MUC4: variants seen among roughly 807,000 people sequenced by gnomAD.
MUC4 encodes the protein mucin 4, cell surface associated, also known as mucin-4.
A neutral mutation model predicts 257.9 loss-of-function variants in MUC4; 202 were observed. The ratio of observed to expected loss-of-function variants is 0.78; its 90% confidence interval spans 0.70 to 0.88. The LOEUF (loss-of-function observed/expected upper bound fraction) is 0.88. MUC4 is among the 40% of genes least tolerant of loss of function. The pLI, the probability that MUC4 is intolerant of heterozygous loss-of-function variation, is 0.00. For missense variants in MUC4, 5,976 were observed against 6,513.7 expected (o/e 0.92, Z 2.84); for synonymous variants, 2,351 against 2,757.1 (o/e 0.85, Z 4.62).
At chr3:195,800,776 G>T (rs759570388) in intron 1 of MUC4, among the ~76,000 whole-genome samples, 41 of 152,030 alleles carry the variant, frequency 2.7e-4, no homozygotes, top group East Asian at 1.9e-4. Context: ...ATGGTTCTCA[G>T]CTGGGCATGG....
In MUC4 at chr3:195,788,234, C is replaced by T. The variant is rs752003308; in HGVS notation, c.3346G>A (p.Gly1116Ser). The T allele has an allele frequency of 6.8e-7, 1 of 1,474,738 alleles. No individual in the cohort carries two copies. Among genetic ancestry groups the T allele is most frequent in the South Asian group, 1.3e-5 (1 of 78,790 alleles). The allele number at this position is 1,474,738 out of a possible 1,614,324, so 91.4% of individuals were successfully genotyped here. A position where few individuals can be genotyped will look rare whatever the true frequency, so the allele number is the denominator to read the frequency against. Residue 1116 changes from glycine to serine, a missense_variant, in exon 2 of 25, where the codon GGT becomes AGT. Around this residue, in one of 44 missense-constraint regions of MUC4, gnomAD observed 11 missense variants for 41.1 expected, o/e 0.27. Transcript: ENST00000463781. ...GTGACAGGAAGAGGGGTGGTGTGACCTGTGGATACTGAGGAAGTGTCGGTG... is the reference window on the plus strand; with the variant it reads ...GTGACAGGAAGAGGGGTGGTGTGACTTGTGGATACTGAGGAAGTGTCGGTG... The part of the protein sequence containing the change: ...PVTDTSSVST[G>S]HTTPLPVTDT...
At position 195,788,987 on chromosome 3, in the gene MUC4, A is replaced by T; in HGVS notation, c.2593T>A (p.Ser865Thr). 5 of 1,613,762 alleles carry T rather than the reference A, an allele frequency of 3.1e-6. No individual in the cohort carries two copies. The South Asian group carries it at 4.4e-5, about 14-fold the overall frequency. The change falls in exon 2 of 25, where the codon TCT becomes ACT. Residue 865 changes from serine (S) to threonine (T), a missense_variant. Ser to Thr is a moderately conservative substitution (Grantham distance 58). This residue lies in a region of MUC4 where 1,583 missense variants were observed against 1,257.4 expected (regional missense o/e 1.26). Coordinates refer to ENST00000463781, the MANE Select transcript of MUC4 (RefSeq NM_018406.7). The stretch of plus-strand genomic sequence containing the variant: ...TGAAAGGTGCCGGGGACGATCGAAG[A>T]CGCCATTCCTGTGCTTACTGGGATG... ...GAIPVSTGMA[S>T]SIVPGTFHPT...
At chr3:195,775,903 A>ATACCTTCCACG (rs1724515881) in intron 3 of MUC4, among the ~76,000 whole-genome samples, 1 of 63,954 alleles carries the variant, frequency 1.6e-5, no homozygotes, top group East Asian at 5.6e-4. Flanking sequence ...TACCTTCCAC[A>ATACCTTCCACG]CCCATACCTT....
intron 24 of MUC4, among the ~76,000 whole-genome samples, chr3:195,747,990 C>T (rs1320812387): frequency 2.0e-5 from 3 of 152,128 alleles, no homozygotes; most frequent in Non-Finnish European, 4.4e-5. Context: ...CCCGCCCCGC[C>T]CCGCCCACCC....
At position 195,789,638 on chromosome 3, in the gene MUC4, C is replaced by T. The variant is rs1371472526; in HGVS notation, c.1942G>A (p.Glu648Lys). 5.0e-6 allele frequency: 8 copies of T among 1,613,916 alleles called. No individual in the cohort carries two copies. The African/African-American group carries it at 5.3e-5, about 11-fold the overall frequency. ...GAGACGGACCTCGTGGTTTGTGATT[C>T]TTGTGTGGTCTGCGGGGCTTGAGTG... ...GHTQAPQTTQ[E>K]SQTTRSVSPM... Residue 648 changes from glutamate to lysine, a missense_variant, in exon 2 of 25, where the codon GAA becomes AAA. Transcript: ENST00000463781.
At position 195,754,210 on chromosome 3, in the gene MUC4, C is replaced by T. The variant is rs1168933918; in HGVS notation, c.15328+3G>A. 2.5e-6 allele frequency: 4 copies of T among 1,611,666 alleles called. No individual in the cohort carries two copies. Among genetic ancestry groups the T allele is most frequent in the East Asian group, 2.2e-5 (1 of 44,776 alleles). ...CCTGCTCCAGGCCCTGTTCCCGGCTCACCCGCACAGTGCCGCCCATCCCCA... is the reference window on the plus strand; with the variant it reads ...CCTGCTCCAGGCCCTGTTCCCGGCTTACCCGCACAGTGCCGCCCATCCCCA... On this transcript the variant is annotated splice_donor_region_variant and intron_variant, in intron 19 of 24. Transcript: ENST00000463781.
At position 195,782,886 on chromosome 3, in the gene MUC4, A is replaced by C; in HGVS notation, c.8694T>G (p.Pro2898=). ...TGGATACTGAGGAAAGGCTGGTGAGAGGAAGAGGGGTAGCGTGACCTGTGG... is the reference window on the plus strand; with the variant it reads ...TGGATACTGAGGAAAGGCTGGTGAGCGGAAGAGGGGTAGCGTGACCTGTGG... ...SVSTGHATPL[P]LTSLSSVSTG... The change falls in exon 2 of 25, where the codon CCT becomes CCG. Residue 2898 remains proline (P), a synonymous_variant. Transcript: ENST00000463781. The C allele has an allele frequency of 3.9e-6, 6 of 1,525,686 alleles. 1 individual carries two copies. Among genetic ancestry groups the C allele is most frequent in the Non-Finnish European group, 5.3e-6 (6 of 1,129,600 alleles). 94.5% of individuals were successfully genotyped at this position (1,525,686 alleles called of 1,614,324 possible).
At chr3:195,758,039 C>T (rs888894844) in intron 17 of MUC4, among the ~76,000 whole-genome samples, 7 of 152,166 alleles carry the variant, frequency 4.6e-5, no homozygotes, top group Admixed American at 2.6e-4. Flanking sequence ...TTCTGAGACA[C>T]AGAGAGAAAG....
rs1424975250 is a variant in MUC4, at chr3:195,764,143, C to T, written c.13946G>A (p.Ser4649Asn). The change falls in exon 11 of 25, where the codon AGC becomes AAC. Residue 4649 changes from serine to asparagine, a missense_variant. By Grantham distance (46) the Ser-to-Asn change is conservative (BLOSUM62 1). This residue lies in a region of MUC4 where 996 missense variants were observed against 1,137.3 expected (regional missense o/e 0.88). Coordinates refer to ENST00000463781, the MANE Select transcript of MUC4 (RefSeq NM_018406.7). Reference protein sequence around the residue: ...WQLAQELEPQSWCCRWNDKPY... With the variant: ...WQLAQELEPQNWCCRWNDKPY... ...CTTGTCATTCCAGCGGCAGCACCAGCTCTGTGGCTCCAGTTCCTGGGCTGC... is the reference window on the plus strand; with the variant it reads ...CTTGTCATTCCAGCGGCAGCACCAGTTCTGTGGCTCCAGTTCCTGGGCTGC... 1 of 1,577,562 alleles carries T rather than the reference C, an allele frequency of 6.3e-7. No homozygotes were observed. The highest frequency in any genetic ancestry group is 8.6e-7 in the Non-Finnish European group (1 of 1,161,984).
At chr3:195,759,293 G>A (rs1265804162) in intron 16 of MUC4, 32 bp from the exon 17 acceptor site, 3 of 1,609,712 alleles carry the variant, frequency 1.9e-6, no homozygotes, top group Non-Finnish European at 2.5e-6. Context: ...GGGGTTCCGA[G>A]GCAGGACAGT....
chr3:195,747,602 C>A (rs1485367964), intron 24 of MUC4, among the ~76,000 whole-genome samples: 1 of 152,290 alleles, frequency 6.6e-6, no homozygotes, highest in Non-Finnish European at 1.5e-5. Context: ...CGGGGGCTCA[C>A]GCCTGTAATC....
At position 195,759,185 on chromosome 3, in the gene MUC4, G is replaced by A. The variant is rs1428987511; in HGVS notation, c.14925C>T (p.Thr4975=). 2.0e-5 allele frequency: 33 copies of A among 1,614,006 alleles called. No individual in the cohort carries two copies. Among genetic ancestry groups the A allele is most frequent in the Non-Finnish European group, 2.7e-5 (32 of 1,180,024 alleles). The change falls in exon 17 of 25, where the codon ACC becomes ACT. Residue 4975 remains threonine, a synonymous_variant. Coordinates refer to ENST00000463781, the MANE Select transcript of MUC4 (RefSeq NM_018406.7). The stretch of plus-strand genomic sequence containing the variant: ...TGAAGTTGGCATCCTCAGCATTGCT[G>A]GTGTACTGAATCAGCGTGGTCTGCC... ...YKGQTTLIQY[T]SNAEDANFTL...
rs558088156 is a variant in MUC4, at chr3:195,762,366, G to C, written c.14345-112C>G. On this transcript the variant is annotated intron_variant, in intron 13 of 24. Transcript: ENST00000463781. ...CCACCCCGCCCCTGGGGCTGAAGCC[G>C]GGAGGGGTCTGCACTGGAGGCGGAG... 1.6e-5 allele frequency: 19 copies of C among 1,208,740 alleles called. No homozygotes were observed. In the African/African-American group the frequency reaches 1.8e-4, roughly 12 times the overall value. The allele number at this position is 1,208,740 out of a possible 1,614,324, so 74.9% of individuals were successfully genotyped here. A position where few individuals can be genotyped will look rare whatever the true frequency, so the allele number is the denominator to read the frequency against.
Position 195,788,845 on chromosome 3 carries a change from C to G in MUC4, c.2735G>C (p.Arg912Thr). The G allele has an allele frequency of 6.2e-7, 1 of 1,613,876 alleles. No individual in the cohort carries two copies. The highest frequency in any genetic ancestry group is 8.5e-7 in the Non-Finnish European group (1 of 1,179,844). ...GTCAGACCCTCTGCTGGTTCTTGTC[C>G]TCTGAGTCTGGGCCATCCGGGAAAT... The part of the protein sequence containing the change: ...AAISRMAQTQ[R>T]TRTSRGSDTI... The change falls in exon 2 of 25, where the codon AGG becomes ACG. Residue 912 changes from arginine (R) to threonine (T), a missense_variant. Arg to Thr is a moderately conservative substitution (Grantham distance 71). This residue lies in a region of MUC4 where 1,583 missense variants were observed against 1,257.4 expected (regional missense o/e 1.26). Coordinates refer to ENST00000463781, the MANE Select transcript of MUC4 (RefSeq NM_018406.7).
chr3:195,758,639 T>C (rs1208917000), intron 17 of MUC4, among the ~76,000 whole-genome samples: 1 of 147,226 alleles, frequency 6.8e-6, no homozygotes, highest in East Asian at 2.1e-4. Context: ...CTCAGCTCAC[T>C]GCAACATCTG....
chr3:195,778,463 C>A lies in MUC4; in HGVS notation c.12791-8G>T, dbSNP rs369129674. ...GTGACGGTGTTGTCATTCCTGGACACGTGAAAAGACAAGGCGGGGTGTTTC... is the reference window on the plus strand; with the variant it reads ...GTGACGGTGTTGTCATTCCTGGACAAGTGAAAAGACAAGGCGGGGTGTTTC... On this transcript the variant is annotated splice_region_variant and splice_polypyrimidine_tract_variant and intron_variant, in intron 2 of 24. Transcript: ENST00000463781. The A allele has an allele frequency of 6.2e-7, 1 of 1,610,832 alleles. No individual in the cohort carries two copies. Among genetic ancestry groups the A allele is most frequent in the African/African-American group, 1.3e-5 (1 of 74,844 alleles).
At chr3:195,752,579 GCCCTCACCCTACATTCCACAGTGACAGAA>G in intron 20 of MUC4, 133 bp from the exon 21 acceptor site, 1 of 720,088 alleles carries the variant, frequency 1.4e-6, no homozygotes, top group Non-Finnish European at 2.5e-6. Context: ...GGGAGAAGTG[GCCCTCACCCTACATTCCACAGTGACAGAA>G]GGTCGCTGAA....
rs771107943 is a variant in MUC4, at chr3:195,763,470, G to A, written c.14216C>T (p.Ala4739Val). 7.4e-6 allele frequency: 11 copies of A among 1,492,164 alleles called. No homozygotes were observed. Among genetic ancestry groups the A allele is most frequent in the Admixed American group, 4.5e-5 (2 of 44,558 alleles). 92.4% of individuals were successfully genotyped at this position (1,492,164 alleles called of 1,614,324 possible). ...SAQATNFIAF[A>V]AQYRSSSLGP... ...CAGGCTGCTGGAGCGGTACTGAGCCGCAAAGGCGATGAAGTTGGTGGCCTG... is the reference window on the plus strand; with the variant it reads ...CAGGCTGCTGGAGCGGTACTGAGCCACAAAGGCGATGAAGTTGGTGGCCTG... The change falls in exon 12 of 25, where the codon GCG (alanine) becomes GTG (valine). Residue 4739 changes from alanine (A) to valine (V), a missense_variant. Physicochemically the swap from Ala to Val is moderately conservative, Grantham distance 64. This residue lies in a region of MUC4 where 996 missense variants were observed against 1,137.3 expected (regional missense o/e 0.88). Transcript: ENST00000463781.
In MUC4 at chr3:195,785,817, A is replaced by C; in HGVS notation, c.5763T>G (p.Leu1921=). The part of the protein sequence containing the change: ...SSVSTGHATS[L]PVTSLSSAST... The stretch of plus-strand genomic sequence containing the variant: ...ATGCTGAGGAAAGGCTGGTGACAGG[A>C]AGAGAGGTGGCGTGACCTGTGGATA... Residue 1921 remains leucine, a synonymous_variant, in exon 2 of 25, where the codon CTT becomes CTG. Transcript: ENST00000463781. 6.6e-7 allele frequency: 1 copy of C among 1,524,980 alleles called. No individual in the cohort carries two copies. Among genetic ancestry groups the C allele is most frequent in the Non-Finnish European group, 8.8e-7 (1 of 1,130,596 alleles). The allele number at this position is 1,524,980 out of a possible 1,614,324, so 94.5% of individuals were successfully genotyped here.
Sources: gnomAD v4.1 joint callset for allele counts (sites outside exome capture counted in the v4.1 genomes callset) on GRCh38, gnomAD v4.1.1 for gene constraint, gnomAD v4.1.1 regional missense constraint, MANE v1.5 for transcripts, NCBI Gene and HGNC (gene_info 2026-07-23, HGNC 2026-07-21) for gene names.